The following BCR variants were observed in gnomAD, a reference collection of about 807,000 sequenced individuals.
The protein encoded by BCR is BCR activator of RhoGEF and GTPase, also known as breakpoint cluster region protein.
In BCR, 58 loss-of-function variants were observed where a neutral mutation model predicts 138.6. That is an observed-to-expected ratio of 0.42 (90% confidence interval 0.34 to 0.52). BCR has a LOEUF of 0.52. BCR is among the 20% of genes least tolerant of loss of function. The pLI is 0.06. For synonymous variants in BCR, 786 were observed against 730.1 expected, an observed-to-expected ratio of 1.08 and a Z score of -1.23; for missense variants, 1,599 against 1,727.2, an observed-to-expected ratio of 0.93 and a Z score of 1.32.
At chr22:23,253,723 G>A (rs1473787112) in intron 1 of BCR, 76 bp from the exon 2 acceptor site, 6 of 1,517,498 alleles carry the variant, frequency 4.0e-6, no homozygotes, top group Non-Finnish European at 5.4e-6. Flanking sequence ...GTGTCAGCTG[G>A]GTGCTTGCTG....
chr22:23,206,400 A>G (rs141554294), intron 1 of BCR, among the ~76,000 whole-genome samples: 6 of 151,974 alleles, frequency 3.9e-5, no homozygotes, highest in Admixed American at 6.6e-5. Flanking sequence ...CGGTGAAACC[A>G]TGTCTCTACT....
chr22:23,264,280 A>G (rs1476298123), intron 4 of BCR: 3 of 919,494 alleles, frequency 3.3e-6, no homozygotes, highest in Non-Finnish European at 5.5e-6. Context: ...AGCCCTGTGT[A>G]CTGCCTGCAT....
intron 1 of BCR, chr22:23,217,016 G>A (rs578153712): frequency 2.2e-6 from 1 of 451,084 alleles, no homozygotes; most frequent in East Asian, 7.1e-5. Flanking sequence ...CTCTTGATGG[G>A]AGGAGCAGCA....
At chr22:23,183,545 A>G (rs549487718) in intron 1 of BCR, among the ~76,000 whole-genome samples, 1 of 152,140 alleles carries the variant, frequency 6.6e-6, no homozygotes, top group Admixed American at 6.5e-5. Flanking sequence ...CTAAGTCCCT[A>G]TGTGGGGGCG....
chr22:23,290,581 T>G (rs145375120), intron 14 of BCR, 168 bp downstream of exon 14: 9,689 of 699,276 alleles, frequency 0.014, 265 homozygotes, highest in Non-Finnish European at 0.011. Flanking sequence ...GCCTTCTGGG[T>G]GTGGAATTGT....
rs1422033153 is a variant in BCR at position 23,207,086 on chromosome 22, A to G, written c.1279+24847A>G. Among the ~76,000 whole-genome samples the G allele has an allele frequency of 2.0e-5, 3 of 151,994 alleles. No individual in the cohort carries two copies. The East Asian group carries it at 5.8e-4, about 29-fold the overall frequency. On this transcript the variant is annotated intron_variant, in intron 1 of 22. Transcript: ENST00000305877. ...ACATGCATCCATTCAGTCATCACCT[A>G]TTCATCCATCCATTCATCCTCCAAC...
chr22:23,186,628 G>A (rs1248691721), intron 1 of BCR, among the ~76,000 whole-genome samples: 1 of 152,156 alleles, frequency 6.6e-6, no homozygotes, highest in Non-Finnish European at 1.5e-5. Flanking sequence ...CCTCATGTAA[G>A]TCCAGTCCTG....
At position 23,181,711 on chromosome 22, in the gene BCR, T is replaced by A; in HGVS notation, c.751T>A (p.Leu251Met). The A allele has an allele frequency of 6.2e-7, 1 of 1,603,922 alleles. No individual in the cohort carries two copies. Reference protein sequence around the residue: ...GVDGDYEDAELNPRFLKDNLI... With the variant: ...GVDGDYEDAEMNPRFLKDNLI... The stretch of plus-strand genomic sequence containing the variant: ...CGACGGCGACTACGAGGACGCCGAG[T>A]TGAACCCCCGCTTCCTGAAGGACAA... Residue 251 changes from leucine to methionine, a missense_variant, in exon 1 of 23, where the codon TTG (leucine) becomes ATG (methionine). Around this residue, in one of 4 missense-constraint regions of BCR, gnomAD observed 806 missense variants for 635.0 expected, o/e 1.27. Transcript: ENST00000305877.
Position 23,315,456 on chromosome 22 carries a change from G to A in BCR, c.3750G>A (p.Leu1250=). ...AGGTCCAGGTGCTGCTGTACTTCCT[G>A]CAGCTGGAGGCCATCCCTGCCCCGG... ...MSQVQVLLYF[L]QLEAIPAPDS... Residue 1250 remains leucine (L), a synonymous_variant, in exon 23 of 23, where the codon CTG becomes CTA. Coordinates refer to ENST00000305877, the MANE Select transcript of BCR (RefSeq NM_004327.4). 2 of 1,613,440 alleles carry A rather than the reference G, an allele frequency of 1.2e-6. No individual in the cohort carries two copies. Among genetic ancestry groups the A allele is most frequent in the South Asian group, 1.1e-5 (1 of 91,052 alleles).
chr22:23,186,142 A>G (rs917704680), intron 1 of BCR, among the ~76,000 whole-genome samples: 3 of 152,334 alleles, frequency 2.0e-5, no homozygotes, highest in Admixed American at 2.0e-4. Flanking sequence ...AAATGGCAGG[A>G]CTGAAGAGGA....
chr22:23,265,067 G>GA (rs551924600), intron 4 of BCR: 1 of 152,100 alleles, frequency 6.6e-6, no homozygotes, highest in Non-Finnish European at 1.5e-5. Flanking sequence ...TTGTTGGGGG[G>GA]AAAAAAACAC....
At chr22:23,214,159 C>T (rs946912935) in intron 1 of BCR, among the ~76,000 whole-genome samples, 2 of 149,564 alleles carry the variant, frequency 1.3e-5, no homozygotes, top group South Asian at 2.1e-4. Flanking sequence ...TGACAGATAG[C>T]GGGAGAGGAT....
intron 16 of BCR, among the ~76,000 whole-genome samples, chr22:23,301,101 C>G (rs539413329): frequency 6.6e-6 from 1 of 152,332 alleles, no homozygotes; most frequent in African/African-American, 2.4e-5. Flanking sequence ...ATCAGGAGTT[C>G]AAGACCGGCC....
intron 8 of BCR, among the ~76,000 whole-genome samples, chr22:23,275,856 C>T (rs9608094): frequency 0.23 from 35,197 of 152,188 alleles, 4,438 homozygotes; most frequent in Middle Eastern, 0.3. Flanking sequence ...TCCTTTTTCC[C>T]ATGGCTTCTC....
At chr22:23,201,332 G>A (rs917291307) in intron 1 of BCR, among the ~76,000 whole-genome samples, 3 of 152,224 alleles carry the variant, frequency 2.0e-5, no homozygotes, top group Non-Finnish European at 4.4e-5. Context: ...CTTACCTCCT[G>A]GCAGTTGTAG....
intron 16 of BCR, among the ~76,000 whole-genome samples, chr22:23,308,499 G>A (rs1012706351): frequency 3.3e-5 from 5 of 152,068 alleles, no homozygotes; most frequent in African/African-American, 1.2e-4. Context: ...TAGGGACAGG[G>A]TTTCACCATG....
intron 6 of BCR, among the ~76,000 whole-genome samples, chr22:23,271,887 G>A (rs541880868): frequency 6.6e-6 from 1 of 151,006 alleles, no homozygotes; most frequent in Non-Finnish European, 1.5e-5. Context: ...TTTTTGAGGC[G>A]GAGTTTTGGC....
chr22:23,288,072 G>A (rs2073738573), intron 11 of BCR, 25 bp from the exon 12 acceptor site: 2 of 1,610,508 alleles, frequency 1.2e-6, no homozygotes, highest in Admixed American at 1.7e-5. Context: ...GAGATAACTG[G>A]GTGTGTTCTT....
intron 1 of BCR, among the ~76,000 whole-genome samples, chr22:23,248,694 G>A (rs1299930311): frequency 6.6e-6 from 1 of 152,090 alleles, no homozygotes; most frequent in Non-Finnish European, 1.5e-5. Flanking sequence ...GTCTGCACTG[G>A]ACTTCCTCTC....
Sources: allele counts gnomAD v4.1 joint callset (sites outside exome capture counted in the v4.1 genomes callset), GRCh38; gene constraint gnomAD v4.1.1; regional missense constraint gnomAD v4.1.1; transcripts MANE v1.5; gene names NCBI Gene and HGNC (gene_info 2026-07-23, HGNC 2026-07-21).